SLIT3: variants seen among roughly 807,000 people sequenced by gnomAD.
SLIT3 encodes slit guidance ligand 3.
SLIT3 carries 68 observed loss-of-function variants against 184.0 expected under a neutral mutation model. The observed-to-expected ratio is 0.37, with a 90% CI of 0.30 to 0.45. The LOEUF is 0.45. Among genes scored for constraint, SLIT3 ranks in the 20% least tolerant of loss-of-function variants. SLIT3 has a pLI of 1.00. For synonymous variants in SLIT3, 831 were observed against 828.6 expected (o/e 1.00, Z -0.05); for missense variants, 1,707 against 2,026.0 (o/e 0.84, Z 3.02).
intron 4 of SLIT3, among the ~76,000 whole-genome samples, chr5:168,922,664 T>C (rs1761677663): frequency 1.3e-5 from 2 of 152,048 alleles, no homozygotes; most frequent in South Asian, 4.2e-4. Flanking sequence ...GGAGCTTCAG[T>C]TTGGAGGCAA....
intron 4 of SLIT3, among the ~76,000 whole-genome samples, chr5:169,063,967 T>C (rs1214942484): frequency 2.0e-5 from 3 of 152,218 alleles, no homozygotes; most frequent in Admixed American, 6.5e-5. Context: ...TTTTAATTTA[T>C]AGAATGATTT....
chr5:168,771,921 T>C (rs1755562243), intron 14 of SLIT3, among the ~76,000 whole-genome samples: 1 of 152,216 alleles, frequency 6.6e-6, no homozygotes, highest in African/African-American at 2.4e-5. Flanking sequence ...GAGGGTTGGC[T>C]GCAACCCGCC....
At chr5:168,937,129 A>T (rs940930576) in intron 4 of SLIT3, among the ~76,000 whole-genome samples, 4 of 152,062 alleles carry the variant, frequency 2.6e-5, no homozygotes, top group African/African-American at 9.7e-5. Flanking sequence ...GGAAAAGCTC[A>T]TATGAAGCCT....
At position 168,890,004 on chromosome 5, in the gene SLIT3, G is replaced by A. The variant is rs146499834; in HGVS notation, c.414-6668C>T. ...CTAAAAATACAAAAATTAGCCAGGC[G>A]TGGTGGTGGGCACCTGTAATCCCAG... is the stretch of plus-strand genomic sequence containing the variant. On this transcript the variant is annotated intron_variant, in intron 4 of 35. Transcript: ENST00000519560. 5.6e-3 allele frequency among the ~76,000 whole-genome samples: 858 copies of A among 152,058 alleles called. 8 individuals are homozygous for A. Among genetic ancestry groups the A allele is most frequent in the African/African-American group, 0.019 (799 of 41,460 alleles).
intron 4 of SLIT3, among the ~76,000 whole-genome samples, chr5:169,143,313 AATAG>A: frequency 1.3e-5 from 2 of 152,332 alleles, no homozygotes; most frequent in Middle Eastern, 3.4e-3. Flanking sequence ...AAACACCACC[AATAG>A]ATAGACAGTC....
intron 4 of SLIT3, among the ~76,000 whole-genome samples, chr5:169,076,580 T>C (rs1758752714): frequency 1.3e-5 from 2 of 151,996 alleles, no homozygotes; most frequent in Non-Finnish European, 2.9e-5. Flanking sequence ...AATGGATTTC[T>C]TTTTTTTCTG....
chr5:168,684,775 G>C (rs1470304239), intron 31 of SLIT3, among the ~76,000 whole-genome samples: 1 of 151,772 alleles, frequency 6.6e-6, no homozygotes, highest in Admixed American at 6.6e-5. Flanking sequence ...TGGCTAATAA[G>C]AGTTATAAAG....
intron 4 of SLIT3, among the ~76,000 whole-genome samples, chr5:169,178,167 GCCCA>G (rs1763040709): frequency 6.6e-6 from 1 of 152,140 alleles, no homozygotes; most frequent in Non-Finnish European, 1.5e-5. Context: ...ATCCCAGCTG[GCCCA>G]AACCAGGGAA....
intron 5 of SLIT3, among the ~76,000 whole-genome samples, chr5:168,882,257 A>T (rs1759981148): frequency 6.6e-6 from 1 of 152,134 alleles, no homozygotes; most frequent in African/African-American, 2.4e-5. Context: ...GCTCAGCCAA[A>T]TCAGACCTTC....
At chr5:168,737,223 A>G (rs55752742) in intron 20 of SLIT3, among the ~76,000 whole-genome samples, 23,260 of 151,922 alleles carry the variant, frequency 0.15, 2,364 homozygotes, top group Non-Finnish European at 0.22. Flanking sequence ...GTCTCCCCCA[A>G]TAAAACTATG....
chr5:169,096,871 G>A (rs1721154369), intron 4 of SLIT3, among the ~76,000 whole-genome samples: 1 of 152,166 alleles, frequency 6.6e-6, no homozygotes, highest in East Asian at 1.9e-4. Flanking sequence ...TTCCTTCCCA[G>A]GTAGCGTGAC....
intron 4 of SLIT3, among the ~76,000 whole-genome samples, chr5:168,994,517 C>G: frequency 6.6e-6 from 1 of 151,710 alleles, no homozygotes; most frequent in South Asian, 2.1e-4. Flanking sequence ...ACATAAATCC[C>G]ATCTTACCTC....
At chr5:169,090,449 G>A (rs1011030213) in intron 4 of SLIT3, among the ~76,000 whole-genome samples, 1 of 152,122 alleles carries the variant, frequency 6.6e-6, no homozygotes, top group Admixed American at 6.5e-5. Context: ...GCAGGTGAAG[G>A]AAGAAGAATG....
rs954282384 is a variant in SLIT3, at chr5:169,074,573, A to G, written c.413+118906T>C. Among the ~76,000 whole-genome samples the G allele has an allele frequency of 1.5e-4, 23 of 152,276 alleles. 1 individual carries two copies. The South Asian group carries it at 3.9e-3, about 26-fold the overall frequency. ...CCCAATTTTACAGTTGAGGGAGTAA[A>G]AGCTCGGAGAGGTGAGTACCTTTCT... On this transcript the variant is annotated intron_variant, in intron 4 of 35. Coordinates refer to ENST00000519560, the MANE Select transcript of SLIT3 (RefSeq NM_003062.4).
chr5:169,225,225 G>T (rs1561750623), intron 3 of SLIT3, among the ~76,000 whole-genome samples: 1 of 152,154 alleles, frequency 6.6e-6, no homozygotes, highest in Non-Finnish European at 1.5e-5. Flanking sequence ...CTGGGACAGG[G>T]GTGTGGCCCC....
intron 33 of SLIT3, 40 bp from the exon 34 acceptor site, chr5:168,671,523 C>T: frequency 6.4e-7 from 1 of 1,573,580 alleles, no homozygotes; most frequent in Non-Finnish European, 8.6e-7. Flanking sequence ...GAAGACCCTC[C>T]CCTGCCACCC....
rs1581290496 is a variant in SLIT3 at position 169,004,299 on chromosome 5, G to C, written c.414-120963C>G. ...TGGGTTCGGTTCTGCCATGCCCAGAGGCACAGGTAGGGGGAACTGGCTGCC... is the reference window on the plus strand; with the variant it reads ...TGGGTTCGGTTCTGCCATGCCCAGACGCACAGGTAGGGGGAACTGGCTGCC... On this transcript the variant is annotated intron_variant, in intron 4 of 35. Transcript: ENST00000519560. Among the ~76,000 whole-genome samples, 8 of 152,314 alleles carry C rather than the reference G, an allele frequency of 5.3e-5. 1 individual carries two copies. The highest frequency in any genetic ancestry group is 5.2e-4 in the Admixed American group (8 of 15,302).
chr5:169,189,916 A>G (rs1259503714), intron 4 of SLIT3, among the ~76,000 whole-genome samples: 1 of 152,274 alleles, frequency 6.6e-6, no homozygotes, highest in East Asian at 1.9e-4. Context: ...TTATCTATCT[A>G]AAAGTGCTAT....
At chr5:169,229,408 CT>C (rs1764916695) in intron 3 of SLIT3, among the ~76,000 whole-genome samples, 2 of 152,122 alleles carry the variant, frequency 1.3e-5, no homozygotes, top group African/African-American at 4.8e-5. Context: ...GTCTGTATGT[CT>C]TTTTAGAGTA....
Sources: gnomAD v4.1 joint callset for allele counts (sites outside exome capture counted in the v4.1 genomes callset) on GRCh38, gnomAD v4.1.1 for gene constraint, MANE v1.5 for transcripts, NCBI Gene and HGNC (gene_info 2026-07-23, HGNC 2026-07-21) for gene names.